The following CPEB3 variants were observed in gnomAD, a reference collection of about 807,000 sequenced individuals.
CPEB3 encodes cytoplasmic polyadenylation element-binding protein 3.
CPEB3 carries 20 observed loss-of-function variants against 67.2 expected under a neutral mutation model. The ratio of observed to expected loss-of-function variants is 0.30; its 90% CI spans 0.21 to 0.43. The LOEUF (loss-of-function observed/expected upper bound fraction) is 0.43. Ranked by LOEUF, CPEB3 falls within the 20% of genes least tolerant of loss-of-function variation. The probability of loss-of-function intolerance (pLI) is 1.00; values close to 1 mark genes in which losing one functional copy is unlikely to be tolerated. For synonymous variants in CPEB3, 376 were observed against 393.1 expected (o/e 0.96, Z 0.51); for missense variants, 746 against 968.6 (o/e 0.77, Z 3.05).
rs1310192496 is a variant in CPEB3 at position 92,180,982 on chromosome 10, A to G, written c.1203T>C (p.Asp401=). 1.4e-5 allele frequency: 21 copies of G among 1,510,816 alleles called. No homozygotes were observed. Among genetic ancestry groups the G allele is most frequent in the Non-Finnish European group, 1.7e-5 (19 of 1,086,888 alleles). The allele number at this position is 1,510,816 out of a possible 1,614,324, so 93.6% of individuals were successfully genotyped here. The change falls in exon 4 of 10, where the codon GAT becomes GAC. Residue 401 remains aspartate, a synonymous_variant. Transcript: ENST00000265997. ...MGINFHHPGT[D]NIMALNNAFL... is the part of the protein sequence containing the mutation. ...ACTTACTGTTAAGTGCCATAATATT[A>G]TCTGTTCCTGGATGATGGAAATTTA...
At chr10:92,067,608 C>A (rs930718250) in intron 9 of CPEB3, among the ~76,000 whole-genome samples, 3 of 152,076 alleles carry the variant, frequency 2.0e-5, no homozygotes, top group African/African-American at 7.2e-5. Flanking sequence ...CACCTGAGGT[C>A]AGGAGTTCAA....
chr10:92,065,749 A>G (rs1268128102), intron 9 of CPEB3, among the ~76,000 whole-genome samples: 1 of 152,144 alleles, frequency 6.6e-6, no homozygotes, highest in Non-Finnish European at 1.5e-5. Flanking sequence ...CCCTTTTAGA[A>G]TCAGTTCAAG....
chr10:92,176,234 GTAA>G lies in CPEB3; in HGVS notation c.1222+4726_1222+4728del, dbSNP rs536893218. Among the ~76,000 whole-genome samples the G allele has an allele frequency of 2.2e-4, 33 of 152,314 alleles. 3 individuals are homozygous for G. The South Asian group carries it at 6.6e-3, about 31-fold the overall frequency. ...TGTAAAGAAAGAAAGATCTTTAAAG[GTAA>G]TAATAAGCCTGTTGCAAACATTCAC... On this transcript the variant is annotated intron_variant, in intron 4 of 9. Transcript: ENST00000265997.
chr10:92,229,736 G>C (rs899633248), intron 2 of CPEB3, among the ~76,000 whole-genome samples: 5 of 152,074 alleles, frequency 3.3e-5, no homozygotes, highest in Non-Finnish European at 7.4e-5. Flanking sequence ...ATATTCTACA[G>C]ATATCTTGTA....
At chr10:92,187,697 C>T (rs1440856492) in intron 3 of CPEB3, among the ~76,000 whole-genome samples, 1 of 152,152 alleles carries the variant, frequency 6.6e-6, no homozygotes, top group Non-Finnish European at 1.5e-5. Context: ...GGTAGAAAGT[C>T]AAGGAACAGC....
At chr10:92,070,895 C>T (rs190670590) in intron 9 of CPEB3, among the ~76,000 whole-genome samples, 7 of 151,528 alleles carry the variant, frequency 4.6e-5, no homozygotes, top group Admixed American at 2.6e-4. Context: ...AACTTTACCC[C>T]GATTTTGCCT....
chr10:92,209,941 C>CAA (rs768962869), intron 2 of CPEB3, among the ~76,000 whole-genome samples: 16,314 of 58,412 alleles, frequency 0.28, 2,195 homozygotes, highest in Non-Finnish European at 0.36. Flanking sequence ...GGCTCTGTCT[C>CAA]AAAAAAAAAA....
intron 2 of CPEB3, chr10:92,216,350 G>A: frequency 1.2e-6 from 2 of 1,606,904 alleles, no homozygotes; most frequent in Non-Finnish European, 1.7e-6. Flanking sequence ...AATAAAGGCA[G>A]ATCCCGAAGG....
chr10:92,129,401 G>C (rs1244402540), intron 6 of CPEB3, among the ~76,000 whole-genome samples: 2 of 152,100 alleles, frequency 1.3e-5, no homozygotes, highest in Non-Finnish European at 2.9e-5. Flanking sequence ...TGGGCACTAG[G>C]CTTAATACCT....
chr10:92,146,535 A>G (rs895094259), intron 4 of CPEB3, among the ~76,000 whole-genome samples: 3 of 152,158 alleles, frequency 2.0e-5, no homozygotes, highest in African/African-American at 7.2e-5. Flanking sequence ...AGCCAACTCT[A>G]AAACAGAATA....
chr10:92,239,699 T>C lies in CPEB3; in HGVS notation c.652A>G (p.Ser218Gly). ...ACCGCCGAAGACGAGGACGGCTTGCTGGTCATGATGGGCTGGTGGCCGTAC... is the reference window on the plus strand; with the variant it reads ...ACCGCCGAAGACGAGGACGGCTTGCCGGTCATGATGGGCTGGTGGCCGTAC... ...AAYGHQPIMTSKPSSSSAVAA... is the reference protein window; with the variant it reads ...AAYGHQPIMTGKPSSSSAVAA... Residue 218 changes from serine (S) to glycine (G), a missense_variant, in exon 2 of 10, where the codon AGC (serine) becomes GGC (glycine). Transcript: ENST00000265997. The surrounding 1 kb of genome is among the most constrained non-coding windows in gnomAD (Gnocchi z 6.0). The C allele has an allele frequency of 6.4e-7, 1 of 1,568,364 alleles. No individual in the cohort carries two copies. Among genetic ancestry groups the C allele is most frequent in the Non-Finnish European group, 8.6e-7 (1 of 1,160,678 alleles).
chr10:92,171,352 C>T (rs976080037), intron 4 of CPEB3, among the ~76,000 whole-genome samples: 3 of 152,160 alleles, frequency 2.0e-5, no homozygotes, highest in Admixed American at 2.0e-4. Flanking sequence ...AGCATAGTCC[C>T]GATACTACTT....
chr10:92,150,198 G>C (rs1371105795), intron 4 of CPEB3, among the ~76,000 whole-genome samples: 8 of 151,918 alleles, frequency 5.3e-5, no homozygotes, highest in Admixed American at 1.3e-4. Context: ...GGACAGAATG[G>C]TTCACGTGGT....
chr10:92,057,408 T>C (rs539280109), intron 9 of CPEB3, among the ~76,000 whole-genome samples: 4 of 152,202 alleles, frequency 2.6e-5, no homozygotes, highest in Non-Finnish European at 4.4e-5. Flanking sequence ...CAATTGTGGT[T>C]TGAGTACCAG....
intron 9 of CPEB3, among the ~76,000 whole-genome samples, chr10:92,071,003 CATA>C (rs542332946): frequency 2.6e-4 from 40 of 151,764 alleles, no homozygotes; most frequent in Non-Finnish European, 4.3e-4. Flanking sequence ...CATGGTTTGA[CATA>C]ATGTGTTATC....
chr10:92,068,742 G>C (rs1427602784), intron 9 of CPEB3, among the ~76,000 whole-genome samples: 6 of 152,170 alleles, frequency 3.9e-5, no homozygotes, highest in African/African-American at 7.2e-5. Context: ...CAGAAGTCAG[G>C]ACGTGGAAGG....
chr10:92,099,366 G>A (rs1844058718), intron 7 of CPEB3, among the ~76,000 whole-genome samples: 1 of 151,120 alleles, frequency 6.6e-6, no homozygotes, highest in African/African-American at 2.4e-5. Context: ...TGCCCAGGCT[G>A]ATCTTGAACT....
intron 2 of CPEB3, among the ~76,000 whole-genome samples, chr10:92,238,387 T>C (rs540297346): frequency 7.9e-5 from 12 of 152,278 alleles, no homozygotes; most frequent in Admixed American, 7.8e-4. Context: ...CATTTCAACC[T>C]TTTTGTCTGG....
chr10:92,137,430 G>C, intron 6 of CPEB3: 1 of 1,171,430 alleles, frequency 8.5e-7, no homozygotes, highest in South Asian at 1.6e-5. Flanking sequence ...ATGGATTCAA[G>C]GACTCAATCT....
Sources: allele counts gnomAD v4.1 joint callset (sites outside exome capture counted in the v4.1 genomes callset), GRCh38; gene constraint gnomAD v4.1.1; non-coding constraint Gnocchi (gnomAD v3.1); transcripts MANE v1.5; gene names NCBI Gene and HGNC (gene_info 2026-07-23, HGNC 2026-07-21).